Variants in MRPL1 observed in about 807,000 individuals in gnomAD.
The protein encoded by MRPL1 is mitochondrial ribosomal protein L1.
A neutral mutation model predicts 38.0 loss-of-function variants in MRPL1; 28 were observed. The observed-to-expected ratio is 0.74, with a 90% CI of 0.55 to 1.01. The LOEUF is 1.01. Among genes scored for constraint, MRPL1 ranks in the 50% least tolerant of loss-of-function variants. The pLI is 0.00. For missense variants in MRPL1, 358 were observed against 389.8 expected, an observed-to-expected ratio of 0.92 and a Z score of 0.69; for synonymous variants, 123 against 126.7, an observed-to-expected ratio of 0.97 and a Z score of 0.20.
intron 7 of MRPL1, among the ~76,000 whole-genome samples, chr4:77,915,963 T>A (rs935270768): frequency 2.0e-5 from 3 of 152,206 alleles, no homozygotes; most frequent in Non-Finnish European, 4.4e-5. Flanking sequence ...AAAAGCAAGC[T>A]GCCAAGAGAT....
intron 6 of MRPL1, among the ~76,000 whole-genome samples, chr4:77,900,794 G>A (rs1237756330): frequency 2.6e-5 from 4 of 152,166 alleles, no homozygotes; most frequent in African/African-American, 7.2e-5. Flanking sequence ...AATGAGTATT[G>A]TGAGAACTGT....
intron 7 of MRPL1, among the ~76,000 whole-genome samples, chr4:77,915,834 G>A (rs1044935454): frequency 6.6e-6 from 1 of 152,170 alleles, no homozygotes; most frequent in Non-Finnish European, 1.5e-5. Context: ...AAGATGATAC[G>A]TTGAACATCA....
chr4:77,881,721 G>A (rs530221185), intron 2 of MRPL1, among the ~76,000 whole-genome samples: 31 of 152,294 alleles, frequency 2.0e-4, no homozygotes, highest in South Asian at 8.3e-4. Flanking sequence ...AATTGCAGGC[G>A]TGAGCCCTCG....
chr4:77,911,488 T>C (rs867737942), intron 7 of MRPL1, among the ~76,000 whole-genome samples: 1 of 152,094 alleles, frequency 6.6e-6, no homozygotes, highest in African/African-American at 2.4e-5. Flanking sequence ...GAACACTTAG[T>C]ATTGCAGTAT....
chr4:77,949,788 T>G lies in MRPL1; in HGVS notation c.778-9T>G, dbSNP rs756827704. 30 of 1,565,828 alleles carry G rather than the reference T, an allele frequency of 1.9e-5. No homozygotes were observed. The South Asian group carries it at 2.1e-4, about 11-fold the overall frequency. ...CATCATTAATGTTATGTATATTATTTTCTTTCAGTTGGATATGTCAAGTGA... is the reference window on the plus strand; with the variant it reads ...CATCATTAATGTTATGTATATTATTGTCTTTCAGTTGGATATGTCAAGTGA... On this transcript the variant is annotated splice_polypyrimidine_tract_variant and intron_variant, in intron 7 of 8. Coordinates refer to ENST00000315567, the MANE Select transcript of MRPL1 (RefSeq NM_020236.4).
chr4:77,862,941 G>A, intron 1 of MRPL1, 62 bp downstream of exon 1: 1 of 1,605,250 alleles, frequency 6.2e-7, no homozygotes, highest in Non-Finnish European at 8.5e-7. Context: ...GGTTGCAGCA[G>A]AGTGCAAGGC....
At chr4:77,864,545 A>G (rs888355352) in intron 1 of MRPL1, 19 of 152,238 alleles carry the variant, frequency 1.2e-4, no homozygotes, top group African/African-American at 4.3e-4. Flanking sequence ...ACAAACTTTT[A>G]GGTAATTCAA....
chr4:77,889,727 A>G (rs941760945), intron 5 of MRPL1, among the ~76,000 whole-genome samples: 4 of 152,222 alleles, frequency 2.6e-5, no homozygotes, highest in African/African-American at 9.7e-5. Context: ...AAATTGATAG[A>G]TCGCTAACAA....
chr4:77,943,167 G>A (rs544496346), intron 7 of MRPL1, among the ~76,000 whole-genome samples: 95 of 152,054 alleles, frequency 6.2e-4, no homozygotes, highest in Non-Finnish European at 1.0e-3. Context: ...CAAAATTATT[G>A]GCCAATAATT....
At chr4:77,897,878 T>G (rs573925998) in intron 6 of MRPL1, among the ~76,000 whole-genome samples, 1 of 152,338 alleles carries the variant, frequency 6.6e-6, no homozygotes, top group South Asian at 2.1e-4. Flanking sequence ...CTTCACATAT[T>G]AGTTTAAAAA....
intron 5 of MRPL1, among the ~76,000 whole-genome samples, chr4:77,892,256 C>T (rs564442213): frequency 2.6e-5 from 4 of 151,996 alleles, no homozygotes; most frequent in East Asian, 1.9e-4. Flanking sequence ...ATCTGCCTCC[C>T]GAGTAGCTGG....
At chr4:77,872,874 C>T (rs1449379317) in intron 2 of MRPL1, among the ~76,000 whole-genome samples, 1 of 151,680 alleles carries the variant, frequency 6.6e-6, no homozygotes, top group African/African-American at 2.4e-5. Flanking sequence ...AAACAAAAAA[C>T]AAAACAAAAT....
chr4:77,899,057 G>A (rs1244291985), intron 6 of MRPL1, among the ~76,000 whole-genome samples: 1 of 142,606 alleles, frequency 7.0e-6, no homozygotes, highest in African/African-American at 2.6e-5. Context: ...GCAGAGACAT[G>A]ATCTTGTCTC....
At chr4:77,949,438 C>A (rs901090432) in intron 7 of MRPL1, among the ~76,000 whole-genome samples, 3 of 151,942 alleles carry the variant, frequency 2.0e-5, no homozygotes, top group Non-Finnish European at 2.9e-5. Context: ...TCTTAGTTTC[C>A]TTTAAATCAA....
At chr4:77,886,805 T>TC (rs1735687478) in intron 4 of MRPL1, among the ~76,000 whole-genome samples, 2 of 144,942 alleles carry the variant, frequency 1.4e-5, no homozygotes, top group African/African-American at 5.1e-5. Context: ...TTTTTTTTTT[T>TC]TTTTTGAGAT....
intron 7 of MRPL1, among the ~76,000 whole-genome samples, chr4:77,935,032 C>T (rs1490819752): frequency 6.6e-6 from 1 of 151,992 alleles, no homozygotes; most frequent in Non-Finnish European, 1.5e-5. Context: ...AGGAAGGGGG[C>T]AATGGGGAGT....
At chr4:77,889,095 A>G (rs1188077450) in intron 5 of MRPL1, among the ~76,000 whole-genome samples, 4 of 152,210 alleles carry the variant, frequency 2.6e-5, no homozygotes, top group African/African-American at 7.2e-5. Context: ...TAACAAGGAT[A>G]TCCAGGAATT....
At chr4:77,866,654 T>C (rs182269858) in intron 1 of MRPL1, among the ~76,000 whole-genome samples, 1 of 152,126 alleles carries the variant, frequency 6.6e-6, no homozygotes, top group Non-Finnish European at 1.5e-5. Context: ...TTAAGAACAC[T>C]CTTGCCTTAG....
intron 7 of MRPL1, among the ~76,000 whole-genome samples, chr4:77,915,412 A>G (rs1736399328): frequency 6.6e-6 from 1 of 152,114 alleles, no homozygotes; most frequent in South Asian, 2.1e-4. Flanking sequence ...CAGGTAAATT[A>G]GTTTTTTTCG....
Sources: allele counts gnomAD v4.1 joint callset (sites outside exome capture counted in the v4.1 genomes callset), GRCh38; gene constraint gnomAD v4.1.1; transcripts MANE v1.5; gene names NCBI Gene and HGNC (gene_info 2026-07-23, HGNC 2026-07-21).